FAM193A: variants seen among roughly 807,000 people sequenced by gnomAD.
FAM193A encodes family with sequence similarity 193 member A.
In FAM193A, 22 loss-of-function variants were observed where a neutral mutation model predicts 126.5. The ratio of observed to expected loss-of-function variants is 0.17; its 90% CI spans 0.12 to 0.25. FAM193A has a LOEUF of 0.25. Ranked by LOEUF, FAM193A falls within the 10% of genes least tolerant of loss-of-function variation. The pLI is 1.00. For synonymous variants in FAM193A, 761 were observed against 646.8 expected (o/e 1.18, Z -2.68); for missense variants, 1,675 against 1,672.8 (o/e 1.00, Z -0.02).
At chr4:2,602,961 T>C in intron 2 of FAM193A, among the ~76,000 whole-genome samples, 1 of 14,764 alleles carries the variant, frequency 6.8e-5, no homozygotes, top group African/African-American at 1.3e-4. Flanking sequence ...CACCCGGCCT[T>C]TTTTTTTTTT....
intron 5 of FAM193A, 106 bp from the exon 6 acceptor site, chr4:2,639,629 G>T: frequency 1.2e-6 from 1 of 805,492 alleles, no homozygotes; most frequent in Non-Finnish European, 1.9e-6. Flanking sequence ...AGGGATGTGT[G>T]CGTGGTGGGG....
Position 2,631,181 on chromosome 4 carries a change from A to G in FAM193A, c.1038+12A>G, listed in dbSNP as rs761584276. The G allele has an allele frequency of 1.0e-5, 16 of 1,590,336 alleles. No homozygotes were observed. Among genetic ancestry groups the G allele is most frequent in the Middle Eastern group, 1.7e-4 (1 of 5,978 alleles). On this transcript the variant is annotated intron_variant, in intron 5 of 20. Transcript: ENST00000637812. ...TCCTTGGCACTCTGGTAAGAGAGAA[A>G]ACGTGTTTTTCTTTCTGTTTGGATG...
chr4:2,642,040 C>G (rs1744679525), intron 6 of FAM193A, among the ~76,000 whole-genome samples: 1 of 150,564 alleles, frequency 6.6e-6, no homozygotes, highest in Non-Finnish European at 1.5e-5. Context: ...CCTGTAATGC[C>G]AGCACTTTGG....
chr4:2,572,863 T>A (rs1577024167), intron 1 of FAM193A, among the ~76,000 whole-genome samples: 1 of 151,538 alleles, frequency 6.6e-6, no homozygotes, highest in East Asian at 1.9e-4. Context: ...AGAAGGCTTT[T>A]CTGTAATCCA....
intron 2 of FAM193A, among the ~76,000 whole-genome samples, chr4:2,600,289 G>C (rs539715554): frequency 3.0e-4 from 45 of 152,308 alleles, no homozygotes; most frequent in African/African-American, 9.6e-4. Flanking sequence ...ACTCCTAGGA[G>C]CCTGAGTTCC....
intron 4 of FAM193A, among the ~76,000 whole-genome samples, chr4:2,627,072 C>T (rs1030580652): frequency 6.6e-6 from 1 of 152,036 alleles, no homozygotes; most frequent in Non-Finnish European, 1.5e-5. Context: ...GATGCCGCAG[C>T]CGTTCTTCAG....
At chr4:2,584,864 G>A (rs1740146543) in intron 1 of FAM193A, among the ~76,000 whole-genome samples, 1 of 152,072 alleles carries the variant, frequency 6.6e-6, no homozygotes, top group Non-Finnish European at 1.5e-5. Context: ...GACGGAGGTT[G>A]CAGTGAGCCG....
chr4:2,593,039 G>A (rs1203309330), intron 1 of FAM193A, among the ~76,000 whole-genome samples: 2 of 152,138 alleles, frequency 1.3e-5, no homozygotes, highest in South Asian at 2.1e-4. Context: ...GAGCCTACAA[G>A]CCCTGAAAGG....
rs909978009 is a variant in FAM193A, at chr4:2,552,254, G to A, written c.255+15084G>A. Among the ~76,000 whole-genome samples the A allele has an allele frequency of 7.2e-5, 11 of 151,838 alleles. No individual in the cohort carries two copies. The South Asian group carries it at 8.3e-4, about 11-fold the overall frequency. On this transcript the variant is annotated intron_variant, in intron 1 of 20. Coordinates refer to ENST00000637812, the MANE Select transcript of FAM193A (RefSeq NM_001366318.2). ...TCTCGACCTCCTGACCTCATGATCC[G>A]CCCGCCTCGGCCTCCCAAAGTGCTG...
chr4:2,586,241 T>G (rs1055192800), intron 1 of FAM193A, among the ~76,000 whole-genome samples: 4 of 139,304 alleles, frequency 2.9e-5, no homozygotes, highest in Admixed American at 7.0e-5. Flanking sequence ...AAAAACTCCG[T>G]CTCAAAAAAA....
intron 2 of FAM193A, among the ~76,000 whole-genome samples, chr4:2,605,828 C>T (rs924401804): frequency 6.6e-6 from 1 of 151,396 alleles, no homozygotes; most frequent in Non-Finnish European, 1.5e-5. Flanking sequence ...AAAATTAGCC[C>T]GTCATGGTGG....
Position 2,672,188 on chromosome 4 carries a change from C to T in FAM193A, c.2147C>T (p.Ser716Phe), listed in dbSNP as rs1450058447. The T allele has an allele frequency of 1.5e-5, 24 of 1,614,202 alleles. No homozygotes were observed. Among genetic ancestry groups the T allele is most frequent in the Non-Finnish European group, 1.9e-5 (22 of 1,180,032 alleles). The change falls in exon 13 of 21, where the codon TCT becomes TTT. Residue 716 changes from serine (S) to phenylalanine (F), a missense_variant. Transcript: ENST00000637812. ...CAGGAAGCTTCTGGACTGACACCAT[C>T]TGCAATGACAGCCGGAGCCCTTCCT... ...CKQEASGLTPSAMTAGALPPG... is the reference protein window; with the variant it reads ...CKQEASGLTPFAMTAGALPPG...
intron 7 of FAM193A, among the ~76,000 whole-genome samples, chr4:2,649,376 A>C: frequency 6.9e-6 from 1 of 145,312 alleles, no homozygotes; most frequent in African/African-American, 2.5e-5. Context: ...CCCTGTCTGA[A>C]AAAAAAAAAA....
intron 5 of FAM193A, 43 bp downstream of exon 5, chr4:2,631,212 A>AAG: frequency 6.4e-7 from 1 of 1,552,570 alleles, no homozygotes; most frequent in Non-Finnish European, 8.8e-7. Flanking sequence ...GGATGAGCTG[A>AAG]AGAGAAGCAT....
At chr4:2,728,138 T>C (rs988591863) in intron 20 of FAM193A, among the ~76,000 whole-genome samples, 1 of 151,528 alleles carries the variant, frequency 6.6e-6, no homozygotes, top group African/African-American at 2.4e-5. Context: ...TCCATGTTGG[T>C]CAGGCTGGTC....
chr4:2,575,861 G>A (rs1338251801), intron 1 of FAM193A, among the ~76,000 whole-genome samples: 1 of 152,086 alleles, frequency 6.6e-6, no homozygotes, highest in African/African-American at 2.4e-5. Flanking sequence ...CTCTTCACTG[G>A]TGGACACTAT....
intron 13 of FAM193A, among the ~76,000 whole-genome samples, chr4:2,684,525 G>A (rs550120425): frequency 1.3e-5 from 2 of 152,012 alleles, no homozygotes; most frequent in Admixed American, 6.6e-5. Context: ...CACCTGTGAT[G>A]TATTATTTCC....
chr4:2,540,678 A>G (rs543732262), intron 1 of FAM193A, among the ~76,000 whole-genome samples: 1 of 151,486 alleles, frequency 6.6e-6, no homozygotes, highest in African/African-American at 2.4e-5. Flanking sequence ...ACGAAAAAAC[A>G]GGCCGAGTGC....
intron 2 of FAM193A, among the ~76,000 whole-genome samples, chr4:2,622,442 T>C (rs1187640107): frequency 6.6e-6 from 1 of 151,358 alleles, no homozygotes; most frequent in East Asian, 1.9e-4. Flanking sequence ...GACTTGGGGG[T>C]CTTTGTTCTC....
Sources: gnomAD v4.1 joint callset for allele counts (sites outside exome capture counted in the v4.1 genomes callset) on GRCh38, gnomAD v4.1.1 for gene constraint, MANE v1.5 for transcripts, NCBI Gene and HGNC (gene_info 2026-07-23, HGNC 2026-07-21) for gene names.